HYAL4: variants seen among roughly 807,000 people sequenced by gnomAD.
The protein encoded by HYAL4 is hyaluronidase-4.
A neutral mutation model predicts 35.2 loss-of-function variants in HYAL4; 37 were observed. That is an observed-to-expected ratio of 1.05 (90% CI 0.81 to 1.38). HYAL4 has a LOEUF of 1.38. Ranked by LOEUF, HYAL4 falls within the 40% of genes most tolerant of loss-of-function variation. The probability of loss-of-function intolerance (pLI) is 0.00; values close to 1 mark genes in which losing one functional copy is unlikely to be tolerated. For missense variants in HYAL4, 572 were observed against 572.4 expected, an observed-to-expected ratio of 1.00 and a Z score of 0.01; for synonymous variants, 198 against 203.2, an observed-to-expected ratio of 0.97 and a Z score of 0.22.
At chr7:123,871,023 C>T (rs934823864) in intron 3 of HYAL4, among the ~76,000 whole-genome samples, 4 of 152,088 alleles carry the variant, frequency 2.6e-5, no homozygotes, top group Non-Finnish European at 5.9e-5. Context: ...GCTTCTTTTT[C>T]TATAGCTACA....
At chr7:123,774,916 G>A in the HYAL4 span, among the ~76,000 whole-genome samples, 1 of 152,236 alleles carries the variant, frequency 6.6e-6, no homozygotes, top group Non-Finnish European at 1.5e-5. Flanking sequence ...TCTGGGTTAG[G>A]TATCTCTTCT....
intron 3 of HYAL4, among the ~76,000 whole-genome samples, chr7:123,871,638 G>A (rs138389234): frequency 2.0e-5 from 3 of 152,144 alleles, no homozygotes; most frequent in African/African-American, 7.2e-5. Flanking sequence ...AGATTCACTA[G>A]TAAGTAGCAA....
At chr7:123,827,793 A>C (rs1278644118), upstream of HYAL4, among the ~76,000 whole-genome samples, 1 of 152,168 alleles carries the variant, frequency 6.6e-6, no homozygotes, top group African/African-American at 2.4e-5. Flanking sequence ...GCCTCCTCTT[A>C]CTGAGAAAAT....
chr7:123,795,127 C>G, the HYAL4 span, among the ~76,000 whole-genome samples: 4 of 152,252 alleles, frequency 2.6e-5, no homozygotes, highest in Non-Finnish European at 5.9e-5. Context: ...ATTGGACTTG[C>G]ATGCAGCCTG....
intron 2 of HYAL4, among the ~76,000 whole-genome samples, chr7:123,853,607 T>G (rs773967269): frequency 1.1e-4 from 17 of 152,336 alleles, no homozygotes; most frequent in Middle Eastern, 3.4e-3. Context: ...GGCTTTTTGA[T>G]GTGCTGCTGG....
At chr7:123,790,196 A>G in the HYAL4 span, among the ~76,000 whole-genome samples, 1 of 152,226 alleles carries the variant, frequency 6.6e-6, no homozygotes, top group East Asian at 1.9e-4. Context: ...TCATGAAGAC[A>G]TGGCAGTAAT....
At chr7:123,799,988 C>G in the HYAL4 span, among the ~76,000 whole-genome samples, 2 of 151,906 alleles carry the variant, frequency 1.3e-5, no homozygotes, top group Non-Finnish European at 2.9e-5. Context: ...TGGTGAAACC[C>G]CGCCTCTACT....
chr7:123,817,796 A>G, the HYAL4 span, among the ~76,000 whole-genome samples: 1,871 of 151,046 alleles, frequency 0.012, 34 homozygotes, highest in African/African-American at 0.043. Context: ...CCATCTTCCA[A>G]TGCATTCTTT....
the HYAL4 span, among the ~76,000 whole-genome samples, chr7:123,791,110 A>G: frequency 6.6e-6 from 1 of 152,160 alleles, no homozygotes; most frequent in Admixed American, 6.5e-5. Flanking sequence ...TCTGCTATAT[A>G]TTCTGTTTAT....
the HYAL4 span, among the ~76,000 whole-genome samples, chr7:123,823,604 G>A: frequency 6.6e-6 from 1 of 151,498 alleles, no homozygotes; most frequent in Non-Finnish European, 1.5e-5. Flanking sequence ...GGAATTTTTG[G>A]ATTAATGATT....
intron 2 of HYAL4, among the ~76,000 whole-genome samples, chr7:123,851,612 T>G (rs1324331498): frequency 6.6e-6 from 1 of 152,212 alleles, no homozygotes; most frequent in African/African-American, 2.4e-5. Context: ...ATGGTGTATA[T>G]GTGCCACATT....
At chr7:123,771,609 G>A in the HYAL4 span, among the ~76,000 whole-genome samples, 2 of 152,028 alleles carry the variant, frequency 1.3e-5, no homozygotes, top group Non-Finnish European at 2.9e-5. Context: ...CCTTTTAGTT[G>A]TTATGATATT....
At chr7:123,807,755 A>G in the HYAL4 span, among the ~76,000 whole-genome samples, 2 of 151,300 alleles carry the variant, frequency 1.3e-5, no homozygotes, top group African/African-American at 2.4e-5. Flanking sequence ...TTTTGAAGAC[A>G]GGGTCTCATT....
At chr7:123,810,418 T>C in the HYAL4 span, among the ~76,000 whole-genome samples, 1 of 152,252 alleles carries the variant, frequency 6.6e-6, no homozygotes, top group Non-Finnish European at 1.5e-5. Flanking sequence ...TCCTTGTTGG[T>C]CACATAGATG....
intron 2 of HYAL4, among the ~76,000 whole-genome samples, chr7:123,849,511 A>C (rs985514690): frequency 6.6e-6 from 1 of 152,112 alleles, no homozygotes. Flanking sequence ...CATATTGGCC[A>C]GGCTGGTCTT....
chr7:123,828,287 A>G (rs989265626), upstream of HYAL4, among the ~76,000 whole-genome samples: 1 of 152,178 alleles, frequency 6.6e-6, no homozygotes, highest in Non-Finnish European at 1.5e-5. Context: ...ACCAGCAATT[A>G]AAGTGGAAAA....
At chr7:123,875,078 A>AT (rs1210425511) in intron 4 of HYAL4, among the ~76,000 whole-genome samples, 1 of 152,092 alleles carries the variant, frequency 6.6e-6, no homozygotes, top group Non-Finnish European at 1.5e-5. Flanking sequence ...GTGCTAAGAG[A>AT]TTTTTTGAGT....
In HYAL4 at chr7:123,874,816, T is replaced by A; in HGVS notation, c.1010T>A (p.Val337Asp). The A allele has an allele frequency of 1.2e-6, 2 of 1,608,414 alleles. No homozygotes were observed. Among genetic ancestry groups the A allele is most frequent in the Non-Finnish European group, 1.7e-6 (2 of 1,174,752 alleles). ...GCTGCCTTGGGAGCTGCAGGCATTG[T>A]TATTTGGGGAGACATGAATTTAACT... ...ESAALGAAGIVIWGDMNLTAS... is the reference protein window; with the variant it reads ...ESAALGAAGIDIWGDMNLTAS... Residue 337 changes from valine (V) to aspartate (D), a missense_variant, in exon 4 of 5, where the codon GTT (valine) becomes GAT (aspartate). Physicochemically the swap from Val to Asp is radical, Grantham distance 152. Transcript: ENST00000223026.
chr7:123,829,190 A>G (rs928963542), intron 1 of HYAL4: 1 of 152,572 alleles, frequency 6.6e-6, no homozygotes, highest in Non-Finnish European at 1.5e-5. Flanking sequence ...ACAGAAGACA[A>G]TAACAGACAT....
Sources: gnomAD v4.1 joint callset for allele counts (sites outside exome capture counted in the v4.1 genomes callset) on GRCh38, gnomAD v4.1.1 for gene constraint, MANE v1.5 for transcripts, NCBI Gene and HGNC (gene_info 2026-07-23, HGNC 2026-07-21) for gene names.